The following ANKFN1 variants were observed in gnomAD, a reference collection of about 807,000 sequenced individuals.
ANKFN1 encodes ankyrin repeat and fibronectin type-III domain-containing protein 1.
Under a neutral mutation model 108.7 loss-of-function variants are expected in ANKFN1, and 74 were observed. The observed-to-expected ratio is 0.68, with a 90% CI of 0.56 to 0.83. ANKFN1 has a LOEUF of 0.83. Among genes scored for constraint, ANKFN1 ranks in the 40% least tolerant of loss-of-function variants. The probability of loss-of-function intolerance (pLI) is 0.00; values close to 1 mark genes in which losing one functional copy is unlikely to be tolerated. For missense variants in ANKFN1, 1,505 were observed against 1,382.3 expected, an observed-to-expected ratio of 1.09 and a Z score of -1.41; for synonymous variants, 547 against 516.2, an observed-to-expected ratio of 1.06 and a Z score of -0.81.
chr17:56,333,849 C>T (rs1411121756), intron 4 of ANKFN1, among the ~76,000 whole-genome samples: 1 of 151,908 alleles, frequency 6.6e-6, no homozygotes, highest in Non-Finnish European at 1.5e-5. Context: ...ATTAACATTC[C>T]CATAAAAGGT....
intron 3 of ANKFN1, among the ~76,000 whole-genome samples, chr17:56,262,381 GA>G (rs2043536250): frequency 6.6e-6 from 1 of 152,176 alleles, no homozygotes; most frequent in Non-Finnish European, 1.5e-5. Context: ...TTATTTTCAA[GA>G]AAATTAAGTA....
chr17:56,046,549 T>C lies in ANKFN1; in HGVS notation c.288+224T>C, dbSNP rs1904681344. On this transcript the variant is annotated intron_variant, in intron 4 of 12. Coordinates refer to the ANKFN1 transcript ENST00000635860. Reference sequence around the variant, plus strand: ...AATCAGCAGGTGGGACATATTTTCTTTTTTTTCCTTCTTCTTCAGTCTTTA... The same window carrying C: ...AATCAGCAGGTGGGACATATTTTCTCTTTTTTCCTTCTTCTTCAGTCTTTA... Among the ~76,000 whole-genome samples the C allele has an allele frequency of 1.3e-5, 2 of 152,152 alleles. 1 individual carries two copies. The highest frequency in any genetic ancestry group is 4.1e-4 in the South Asian group (2 of 4,820).
intron 3 of ANKFN1, among the ~76,000 whole-genome samples, chr17:56,263,923 G>A (rs2043583546): frequency 2.0e-5 from 3 of 152,192 alleles, no homozygotes; most frequent in Admixed American, 2.0e-4. Context: ...AACAATGGAA[G>A]TCTGACCTCT....
chr17:56,136,240 T>C (rs1907594334), intron 4 of ANKFN1, among the ~76,000 whole-genome samples: 1 of 152,134 alleles, frequency 6.6e-6, no homozygotes, highest in Non-Finnish European at 1.5e-5. Flanking sequence ...GAATGGTGGA[T>C]TGGGGGCCCA....
chr17:56,302,481 C>G (rs2044699186), intron 3 of ANKFN1, among the ~76,000 whole-genome samples: 1 of 146,420 alleles, frequency 6.8e-6, no homozygotes, highest in Non-Finnish European at 1.5e-5. Context: ...CATCACTGCA[C>G]TCCAGCCTGG....
At chr17:56,481,164 A>G (rs183978497) in intron 17 of ANKFN1, among the ~76,000 whole-genome samples, 2 of 152,088 alleles carry the variant, frequency 1.3e-5, no homozygotes, top group East Asian at 3.9e-4. Flanking sequence ...CATAAAGCAA[A>G]GAGAACATAT....
In ANKFN1 at chr17:56,089,779, C is replaced by T. The variant is rs1013501941; in HGVS notation, c.288+43454C>T. ...AGCAGCACTGTCTTTGAAAGAAAGC[C>T]TGGTATTCGAACTGCAGCTTTGCTA... On this transcript the variant is annotated intron_variant, in intron 4 of 12. Coordinates refer to the ANKFN1 transcript ENST00000635860. 1.5e-4 allele frequency among the ~76,000 whole-genome samples: 22 copies of T among 151,276 alleles called. 1 individual carries two copies. The highest frequency in any genetic ancestry group is 4.6e-4 in the African/African-American group (19 of 41,150).
intron 3 of ANKFN1, among the ~76,000 whole-genome samples, chr17:56,322,592 C>T (rs930301435): frequency 4.6e-5 from 7 of 152,186 alleles, no homozygotes; most frequent in Non-Finnish European, 8.8e-5. Context: ...CACTCCAGTA[C>T]ACTGGACTAC....
intron 3 of ANKFN1, among the ~76,000 whole-genome samples, chr17:56,252,591 C>T (rs897946969): frequency 9.3e-5 from 14 of 151,066 alleles, no homozygotes; most frequent in African/African-American, 2.2e-4. Flanking sequence ...GACTGGGCAA[C>T]GTAGTGAGAC....
intron 1 of ANKFN1, among the ~76,000 whole-genome samples, chr17:56,210,061 C>CATAGATAG (rs57680665): frequency 0.14 from 21,033 of 147,952 alleles, 1,577 homozygotes; most frequent in East Asian, 0.18. Context: ...TAGATAGATA[C>CATAGATAG]ATAGATAGAT....
chr17:56,400,710 A>G (rs779733653), intron 8 of ANKFN1, among the ~76,000 whole-genome samples: 10 of 152,204 alleles, frequency 6.6e-5, no homozygotes, highest in Middle Eastern at 3.2e-3. Flanking sequence ...TAGAATTATT[A>G]TAGTTTTAGG....
At chr17:56,135,675 G>C (rs759791534) in intron 4 of ANKFN1, among the ~76,000 whole-genome samples, 1 of 152,172 alleles carries the variant, frequency 6.6e-6, no homozygotes, top group Non-Finnish European at 1.5e-5. Flanking sequence ...GTGATGTACA[G>C]ATTAGAGCTT....
intron 14 of ANKFN1, among the ~76,000 whole-genome samples, chr17:56,464,831 C>T (rs1436749738): frequency 6.6e-6 from 1 of 152,150 alleles, no homozygotes; most frequent in Non-Finnish European, 1.5e-5. Context: ...TACTCAGGAC[C>T]AGAGAGGGTA....
At chr17:56,391,453 G>C (rs548606523) in intron 8 of ANKFN1, among the ~76,000 whole-genome samples, 1 of 149,222 alleles carries the variant, frequency 6.7e-6, no homozygotes, top group East Asian at 2.0e-4. Flanking sequence ...CTGGGTGACA[G>C]TCTCGCTCTG....
chr17:56,320,802 G>T (rs975466456), intron 3 of ANKFN1, among the ~76,000 whole-genome samples: 1 of 152,134 alleles, frequency 6.6e-6, no homozygotes, highest in Admixed American at 6.6e-5. Flanking sequence ...TCTCAAAAAT[G>T]TGGCACTGGA....
At chr17:56,350,720 T>C (rs987477720) in intron 4 of ANKFN1, 46 bp from the exon 5 acceptor site, 5 of 1,528,390 alleles carry the variant, frequency 3.3e-6, no homozygotes, top group Admixed American at 3.4e-5. Flanking sequence ...TGTCAACTTA[T>C]AATTTGTGGT....
intron 3 of ANKFN1, among the ~76,000 whole-genome samples, chr17:56,278,444 C>G (rs1412287836): frequency 6.6e-6 from 1 of 152,198 alleles, no homozygotes; most frequent in Non-Finnish European, 1.5e-5. Context: ...AAAGAAATAT[C>G]TCTTTGAAGT....
chr17:56,217,475 G>A (rs1287355275), intron 2 of ANKFN1, among the ~76,000 whole-genome samples: 2 of 152,190 alleles, frequency 1.3e-5, no homozygotes, highest in Admixed American at 6.5e-5. Flanking sequence ...GAAGGGCCCA[G>A]CAATTGTGCC....
chr17:56,169,960 G>T (rs1401668419), intron 1 of ANKFN1, among the ~76,000 whole-genome samples: 1 of 152,088 alleles, frequency 6.6e-6, no homozygotes, highest in African/African-American at 2.4e-5. Context: ...GCAGAGATTG[G>T]GTTAACAGAC....
Sources: gnomAD v4.1 joint callset for allele counts (sites outside exome capture counted in the v4.1 genomes callset) on GRCh38, gnomAD v4.1.1 for gene constraint, MANE v1.5 for transcripts, NCBI Gene and HGNC (gene_info 2026-07-23, HGNC 2026-07-21) for gene names.